Variants in SLIT3 observed in about 807,000 individuals in gnomAD.
SLIT3 encodes slit homolog 3 protein.
A neutral mutation model predicts 184.0 loss-of-function variants in SLIT3; 68 were observed. That is an observed-to-expected ratio of 0.37 (90% CI 0.30 to 0.45). The LOEUF (loss-of-function observed/expected upper bound fraction) is 0.45, where lower values mean the gene tolerates loss of function less well. SLIT3 is among the 20% of genes least tolerant of loss of function. SLIT3 has a pLI of 1.00. For synonymous variants in SLIT3, 831 were observed against 828.6 expected (o/e 1.00, Z -0.05); for missense variants, 1,707 against 2,026.0 (o/e 0.84, Z 3.02).
intron 4 of SLIT3, among the ~76,000 whole-genome samples, chr5:169,105,336 C>T (rs747230173): frequency 6.6e-6 from 1 of 152,214 alleles, no homozygotes; most frequent in African/African-American, 2.4e-5. Context: ...TATGTACATG[C>T]TTGCACAGAT....
At chr5:169,105,001 C>T (rs1038681284) in intron 4 of SLIT3, among the ~76,000 whole-genome samples, 15 of 152,168 alleles carry the variant, frequency 9.9e-5, no homozygotes, top group African/African-American at 3.6e-4. Flanking sequence ...AGTACGATCA[C>T]ATGTAATTGT....
intron 1 of SLIT3, among the ~76,000 whole-genome samples, chr5:169,268,588 G>A (rs991759066): frequency 2.0e-5 from 3 of 152,194 alleles, no homozygotes; most frequent in Non-Finnish European, 4.4e-5. Flanking sequence ...CCATATCCAT[G>A]AGAGAAGGCA....
chr5:168,804,031 G>A (rs1212755651), intron 9 of SLIT3, among the ~76,000 whole-genome samples: 1 of 151,108 alleles, frequency 6.6e-6, no homozygotes, highest in Non-Finnish European at 1.5e-5. Flanking sequence ...GGGAGGGCGG[G>A]CACGGTGGCT....
intron 30 of SLIT3, 45 bp downstream of exon 30, chr5:168,686,934 A>G: frequency 3.1e-6 from 5 of 1,599,208 alleles, no homozygotes; most frequent in Non-Finnish European, 4.3e-6. Flanking sequence ...AGCCCCTGCC[A>G]CCTGGCCCAG....
At chr5:168,802,204 A>G (rs1291094896) in intron 9 of SLIT3, among the ~76,000 whole-genome samples, 1 of 151,462 alleles carries the variant, frequency 6.6e-6, no homozygotes, top group African/African-American at 2.4e-5. Flanking sequence ...GATAACTCCT[A>G]TTCATCCTGG....
Position 169,278,233 on chromosome 5 carries a change from G to A in SLIT3, c.197+22280C>T, listed in dbSNP as rs7724271. Among the ~76,000 whole-genome samples, 933 of 152,246 alleles carry A rather than the reference G, an allele frequency of 6.1e-3. 10 individuals carry two copies. Among genetic ancestry groups the A allele is most frequent in the African/African-American group, 0.021 (877 of 41,544 alleles). ...CACAAATAGGGGGCTTTCCTCCAGC[G>A]ACCATCTGTACCACCTTTCTGCATT... is the stretch of plus-strand genomic sequence containing the variant. On this transcript the variant is annotated intron_variant, in intron 1 of 35. Transcript: ENST00000519560.
intron 1 of SLIT3, among the ~76,000 whole-genome samples, chr5:169,299,080 C>A (rs1767598575): frequency 6.6e-6 from 1 of 152,150 alleles, no homozygotes; most frequent in African/African-American, 2.4e-5. Context: ...CCCTTTATTG[C>A]CGTCAACTTG....
chr5:168,986,018 A>AG (rs1237023024), intron 4 of SLIT3, among the ~76,000 whole-genome samples: 1 of 152,130 alleles, frequency 6.6e-6, no homozygotes, highest in East Asian at 1.9e-4. Flanking sequence ...TTCATCATGT[A>AG]GTAAGGCTTT....
chr5:169,198,550 T>A (rs368002504), intron 3 of SLIT3, among the ~76,000 whole-genome samples: 1 of 152,176 alleles, frequency 6.6e-6, no homozygotes, highest in Non-Finnish European at 1.5e-5. Context: ...TTATCCATAA[T>A]AAAGAATTTG....
intron 20 of SLIT3, among the ~76,000 whole-genome samples, chr5:168,739,426 CT>C (rs35705916): frequency 0.27 from 38,709 of 143,358 alleles, 5,562 homozygotes; most frequent in East Asian, 0.57. Flanking sequence ...TCTTTTTATT[CT>C]TTTTTTTTTT....
intron 4 of SLIT3, among the ~76,000 whole-genome samples, chr5:168,966,871 C>T (rs1459987417): frequency 6.6e-6 from 1 of 152,108 alleles, no homozygotes; most frequent in Non-Finnish European, 1.5e-5. Flanking sequence ...GGAATATAAA[C>T]CGGTAATGTC....
chr5:168,753,767 GTGCCTGGGTCCCACT>G (rs1754798152), intron 17 of SLIT3, 82 bp downstream of exon 17: 1 of 1,408,972 alleles, frequency 7.1e-7, no homozygotes, highest in Non-Finnish European at 9.7e-7. Context: ...GGCCAAGACA[GTGCCTGGGTCCCACT>G]TGCCTTCGTA....
intron 4 of SLIT3, among the ~76,000 whole-genome samples, chr5:168,945,088 ACTT>A (rs1317041529): frequency 6.6e-6 from 1 of 152,194 alleles, no homozygotes; most frequent in African/African-American, 2.4e-5. Flanking sequence ...CTGACACTCA[ACTT>A]CTGGAAAGGG....
intron 32 of SLIT3, among the ~76,000 whole-genome samples, chr5:168,678,566 T>C (rs7722030): frequency 0.31 from 47,144 of 151,520 alleles, 7,982 homozygotes; most frequent in African/African-American, 0.45. Context: ...GCCTGTAGTC[T>C]CAGCTACTCG....
chr5:168,702,172 G>A (rs180898223), intron 26 of SLIT3, among the ~76,000 whole-genome samples: 1 of 152,336 alleles, frequency 6.6e-6, no homozygotes, highest in Admixed American at 6.5e-5. Context: ...GAAAGTTGGT[G>A]TGGAATGGAA....
chr5:169,037,112 C>G (rs1288167079), intron 4 of SLIT3, among the ~76,000 whole-genome samples: 1 of 140,698 alleles, frequency 7.1e-6, no homozygotes, highest in Non-Finnish European at 1.5e-5. Context: ...TCCATCGTGC[C>G]TATTCATGTA....
At chr5:168,965,331 A>C (rs1310754343) in intron 4 of SLIT3, among the ~76,000 whole-genome samples, 10 of 152,222 alleles carry the variant, frequency 6.6e-5, no homozygotes, top group African/African-American at 2.4e-4. Context: ...AAGGAAAGAT[A>C]CTCACTTTAA....
intron 4 of SLIT3, among the ~76,000 whole-genome samples, chr5:168,926,293 G>A (rs1426892384): frequency 2.6e-5 from 4 of 152,220 alleles, no homozygotes; most frequent in Admixed American, 6.5e-5. Flanking sequence ...AGAGCAGGAC[G>A]GATGCGTCTG....
At chr5:168,807,769 T>G (rs1289315386) in intron 8 of SLIT3, among the ~76,000 whole-genome samples, 1 of 152,174 alleles carries the variant, frequency 6.6e-6, no homozygotes, top group Non-Finnish European at 1.5e-5. Context: ...GTTTGGCCCC[T>G]GTTCACTGGA....
Sources: allele counts gnomAD v4.1 joint callset (sites outside exome capture counted in the v4.1 genomes callset), GRCh38; gene constraint gnomAD v4.1.1; transcripts MANE v1.5; gene names NCBI Gene and HGNC (gene_info 2026-07-23, HGNC 2026-07-21).